Variants in MARCHF7 observed in about 807,000 individuals in gnomAD.
The protein encoded by MARCHF7 is E3 ubiquitin-protein ligase MARCHF7.
Under a neutral mutation model 76.5 loss-of-function variants are expected in MARCHF7, and 20 were observed. That is an observed-to-expected ratio of 0.26 (90% confidence interval 0.18 to 0.38). The LOEUF (loss-of-function observed/expected upper bound fraction) is 0.38, where lower values mean the gene tolerates loss of function less well. MARCHF7 is among the 10% of genes least tolerant of loss of function. MARCHF7 has a pLI of 1.00. For missense variants in MARCHF7, 797 were observed against 812.9 expected, an observed-to-expected ratio of 0.98 and a Z score of 0.24; for synonymous variants, 295 against 293.0, an observed-to-expected ratio of 1.01 and a Z score of -0.07.
intron 3 of MARCHF7, among the ~76,000 whole-genome samples, chr2:159,726,690 A>T (rs1702211731): frequency 6.6e-6 from 1 of 152,226 alleles, no homozygotes; most frequent in African/African-American, 2.4e-5. Flanking sequence ...TTTGTGTACA[A>T]TTCAGTATTA....
At chr2:159,735,519 TC>T (rs1472981903) in intron 4 of MARCHF7, among the ~76,000 whole-genome samples, 7 of 152,222 alleles carry the variant, frequency 4.6e-5, no homozygotes, top group Non-Finnish European at 2.9e-5. Context: ...CAACCATTAA[TC>T]TACTTTATAT....
At chr2:159,751,818 G>A (rs532054199) in intron 7 of MARCHF7, among the ~76,000 whole-genome samples, 1 of 152,244 alleles carries the variant, frequency 6.6e-6, no homozygotes, top group Admixed American at 6.5e-5. Flanking sequence ...TGCGCCGAGG[G>A]GGCAGATGGA....
At chr2:159,721,608 CTG>C (rs563802417) in intron 3 of MARCHF7, among the ~76,000 whole-genome samples, 1 of 151,980 alleles carries the variant, frequency 6.6e-6, no homozygotes, top group Non-Finnish European at 1.5e-5. Flanking sequence ...CGATTTTTGT[CTG>C]TGTGTGTGTG....
At chr2:159,752,244 A>G (rs1454364945) in intron 7 of MARCHF7, among the ~76,000 whole-genome samples, 158 bp from the exon 8 acceptor site, 1 of 152,212 alleles carries the variant, frequency 6.6e-6, no homozygotes, top group Non-Finnish European at 1.5e-5. Flanking sequence ...GCTGATGAAT[A>G]TAATTGTTAT....
At chr2:159,732,345 T>A (rs909062303) in intron 4 of MARCHF7, among the ~76,000 whole-genome samples, 1 of 152,206 alleles carries the variant, frequency 6.6e-6, no homozygotes, top group Non-Finnish European at 1.5e-5. Flanking sequence ...AAATTTTAGG[T>A]ATTTTCTAAA....
At chr2:159,717,475 A>G (rs957264809) in intron 3 of MARCHF7, among the ~76,000 whole-genome samples, 1 of 151,942 alleles carries the variant, frequency 6.6e-6, no homozygotes, top group Non-Finnish European at 1.5e-5. Context: ...GAAGCTCATT[A>G]TTGGCTGTAC....
intron 3 of MARCHF7, among the ~76,000 whole-genome samples, chr2:159,720,752 C>G (rs1032816050): frequency 6.6e-6 from 1 of 152,152 alleles, no homozygotes; most frequent in East Asian, 1.9e-4. Context: ...AAATTGGGAC[C>G]ACCTTAAACC....
intron 8 of MARCHF7, among the ~76,000 whole-genome samples, chr2:159,752,970 T>G (rs147156850): frequency 6.6e-6 from 1 of 152,330 alleles, no homozygotes; most frequent in East Asian, 1.9e-4. Context: ...CTGTGGGGAT[T>G]TATTTGTTCA....
chr2:159,752,613 A>G (rs767152115), intron 8 of MARCHF7, 42 bp downstream of exon 8: 3 of 1,412,970 alleles, frequency 2.1e-6, no homozygotes, highest in Admixed American at 2.8e-5. Flanking sequence ...TTTCTAAGAG[A>G]TGCATGTATG....
chr2:159,716,356 T>C (rs1326242494), intron 3 of MARCHF7, among the ~76,000 whole-genome samples: 1 of 151,964 alleles, frequency 6.6e-6, no homozygotes, highest in Admixed American at 6.6e-5. Flanking sequence ...TCTTGAAATA[T>C]TGCATTGGGG....
intron 8 of MARCHF7, among the ~76,000 whole-genome samples, chr2:159,756,714 A>C (rs12618845): frequency 0.079 from 9,323 of 117,416 alleles, 766 homozygotes; most frequent in African/African-American, 0.25. Context: ...AAAAAAAAAA[A>C]CAGATGATTC....
intron 2 of MARCHF7, among the ~76,000 whole-genome samples, 181 bp downstream of exon 2, chr2:159,714,779 A>G (rs548414703): frequency 6.6e-6 from 1 of 152,196 alleles, no homozygotes; most frequent in South Asian, 2.1e-4. Context: ...GTGCGGGTGT[A>G]GTGGTGCGCA....
At chr2:159,764,168 A>G (rs1232894697) in intron 10 of MARCHF7, among the ~76,000 whole-genome samples, 2 of 151,276 alleles carry the variant, frequency 1.3e-5, no homozygotes, top group Non-Finnish European at 2.9e-5. Flanking sequence ...AGAACTGTAT[A>G]CTTTTATCAA....
intron 8 of MARCHF7, among the ~76,000 whole-genome samples, chr2:159,757,677 C>T (rs1257645734): frequency 1.3e-5 from 2 of 152,148 alleles, no homozygotes; most frequent in African/African-American, 4.8e-5. Context: ...GGGTTGCTCC[C>T]GGCTGAGTGT....
At chr2:159,730,407 C>G (rs191282329) in intron 4 of MARCHF7, among the ~76,000 whole-genome samples, 1 of 152,012 alleles carries the variant, frequency 6.6e-6, no homozygotes, top group South Asian at 2.1e-4. Flanking sequence ...TAAAAATGTT[C>G]GTACACAGTA....
At chr2:159,753,960 C>G (rs1444488940) in intron 8 of MARCHF7, among the ~76,000 whole-genome samples, 1 of 152,092 alleles carries the variant, frequency 6.6e-6, no homozygotes, top group African/African-American at 2.4e-5. Context: ...ATGGCAGTTC[C>G]TTTTACTGAA....
intron 3 of MARCHF7, among the ~76,000 whole-genome samples, chr2:159,719,044 C>T (rs1008480789): frequency 6.6e-5 from 10 of 152,042 alleles, no homozygotes; most frequent in Non-Finnish European, 1.0e-4. Context: ...GCGCGATCTC[C>T]GCTCACCACA....
chr2:159,744,070 C>T (rs1417832656), intron 5 of MARCHF7, among the ~76,000 whole-genome samples: 1 of 141,720 alleles, frequency 7.1e-6, no homozygotes, highest in Non-Finnish European at 1.5e-5. Context: ...TCACTGCAAG[C>T]TCCGCCTCCC....
rs781060534 is a variant in MARCHF7, at chr2:159,745,759, T to C, written c.347-11T>C. On this transcript the variant is annotated splice_polypyrimidine_tract_variant and intron_variant, in intron 5 of 11. Coordinates refer to ENST00000409175, the MANE Select transcript of MARCHF7 (RefSeq NM_001282805.2). ...CTTTCTCTGAAATAAAACTTCTTCA[T>C]TTATTTTAAGATTCATCTTGGAGGC... The C allele has an allele frequency of 1.2e-5, 19 of 1,581,130 alleles. No homozygotes were observed. Among genetic ancestry groups the C allele is most frequent in the African/African-American group, 2.7e-5 (2 of 73,204 alleles).
Sources: gnomAD v4.1 joint callset for allele counts (sites outside exome capture counted in the v4.1 genomes callset) on GRCh38, gnomAD v4.1.1 for gene constraint, MANE v1.5 for transcripts, NCBI Gene and HGNC (gene_info 2026-07-23, HGNC 2026-07-21) for gene names.